The following PHEX variants were observed in gnomAD, a reference collection of about 807,000 sequenced individuals.
The protein encoded by PHEX is phosphate regulating endopeptidase X-linked.
PHEX carries 16 observed loss-of-function variants against 68.0 expected under a neutral mutation model. The observed-to-expected ratio is 0.24, with a 90% confidence interval of 0.16 to 0.36. The LOEUF (loss-of-function observed/expected upper bound fraction) is 0.36. PHEX is among the 10% of genes least tolerant of loss of function. The pLI, the probability that PHEX is intolerant of heterozygous loss-of-function variation, is 1.00. For synonymous variants in PHEX, 208 were observed against 205.1 expected (o/e 1.01, Z -0.12); for missense variants, 480 against 575.5 (o/e 0.83, Z 1.70).
chrX:22,172,838 T>C (rs1933581660), intron 13 of PHEX: 1 of 111,784 alleles, frequency 8.9e-6, no homozygotes, highest in African/African-American at 3.3e-5. Flanking sequence ...GAATCATGGC[T>C]GGCCTCCATT....
intron 3 of PHEX, among the ~76,000 whole-genome samples, chrX:22,059,102 G>A (rs112185556): frequency 0.044 from 4,859 of 111,546 alleles, 92 homozygotes; most frequent in African/African-American, 0.074. Context: ...AGCGTGCACA[G>A]CCCTCATTTC....
chrX:22,218,860 A>G (rs774258848), intron 16 of PHEX, among the ~76,000 whole-genome samples, 176 bp from the exon 17 acceptor site: 2 of 112,364 alleles, frequency 1.8e-5, no homozygotes, highest in South Asian at 7.4e-4. Context: ...TTCTTTGTCT[A>G]TTTCAATTGG....
In PHEX at chrX:22,195,749, A is replaced by G. The variant is rs776417831; in HGVS notation, c.1645+5247A>G. The stretch of plus-strand genomic sequence containing the variant: ...AGGAACAGGCAAATACATCTATATG[A>G]TAGAAGTTAAAATAATGACTACCTT... On this transcript the variant is annotated intron_variant, in intron 15 of 21. Transcript: ENST00000379374. Among the ~76,000 whole-genome samples the G allele has an allele frequency of 6.7e-4, 75 of 112,101 alleles. 1 individual carries two copies. Among genetic ancestry groups the G allele is most frequent in the African/African-American group, 2.3e-3 (72 of 30,892 alleles).
intron 5 of PHEX, 70 bp from the exon 6 acceptor site, chrX:22,090,359 T>C: frequency 4.7e-6 from 4 of 853,164 alleles, no homozygotes. Context: ...GACGATTTCA[T>C]CACTCTTGTT....
chrX:22,067,303 T>C (rs1195524259), intron 3 of PHEX, among the ~76,000 whole-genome samples: 1 of 111,192 alleles, frequency 9.0e-6, no homozygotes, highest in African/African-American at 3.3e-5. Context: ...TGAGAGTCTT[T>C]CTGGCATAGT....
At chrX:22,209,221 G>T (rs929851251) in intron 15 of PHEX, among the ~76,000 whole-genome samples, 1 of 111,122 alleles carries the variant, frequency 9.0e-6, no homozygotes, top group Non-Finnish European at 1.9e-5. Flanking sequence ...TGCATTTTGG[G>T]TATTCCTATA....
chrX:22,068,384 G>C (rs1928711808), intron 3 of PHEX, among the ~76,000 whole-genome samples: 1 of 112,016 alleles, frequency 8.9e-6, no homozygotes, highest in African/African-American at 3.2e-5. Context: ...AAGTTATGAT[G>C]TAACCAGGGA....
chrX:22,130,369 G>A (rs369092775), intron 11 of PHEX, among the ~76,000 whole-genome samples: 10 of 109,129 alleles, frequency 9.2e-5, no homozygotes, highest in East Asian at 5.8e-4. Context: ...GTGAAAGCCC[G>A]TCTCTACTAA....
At position 22,249,455 on chromosome X, in the gene PHEX, A is replaced by AAAAAAAAAATATATATATATAT; in HGVS notation, c.*1503_*1504insAAAAAAAATATATATATATATA. 1 of 39,762 alleles carries AAAAAAAAAATATATATATATAT rather than the reference A, an allele frequency of 2.5e-5. No individual in the cohort carries two copies. Among genetic ancestry groups the AAAAAAAAAATATATATATATAT allele is most frequent in the African/African-American group, 1.7e-4 (1 of 6,005 alleles). The allele number at this position is 39,762 out of a possible 1,213,427, so 3.3% of individuals were successfully genotyped here. On this transcript the variant is annotated 3_prime_UTR_variant, in exon 22 of 22. Transcript: ENST00000379374. ...TTGTGATTCTTTTAAAAAAAAAAAA[A>AAAAAAAAAATATATATATATAT]ATATATATATATATATATATATATA...
chrX:22,066,322 C>T lies in PHEX; in HGVS notation c.350-10066C>T, dbSNP rs761751908. 8.0e-5 allele frequency among the ~76,000 whole-genome samples: 9 copies of T among 112,129 alleles called. No homozygotes were observed. The South Asian group carries it at 1.5e-3, about 18-fold the overall frequency. On this transcript the variant is annotated intron_variant, in intron 3 of 21. Coordinates refer to ENST00000379374, the MANE Select transcript of PHEX (RefSeq NM_000444.6). ...TCTATTTTCTAGTCTGGTATCCAAA[C>T]GAAGGTGGAGTTTGACTTCCTTGTT...
At chrX:22,063,422 G>C (rs1039875012) in intron 3 of PHEX, among the ~76,000 whole-genome samples, 4 of 112,500 alleles carry the variant, frequency 3.6e-5, no homozygotes, top group African/African-American at 1.3e-4. Context: ...AAAGGTGTTG[G>C]TGTCAGCCTG....
chrX:22,139,149 C>G (rs1932352150), intron 12 of PHEX, among the ~76,000 whole-genome samples: 1 of 111,649 alleles, frequency 9.0e-6, no homozygotes, highest in Non-Finnish European at 1.9e-5. Context: ...GGAGATTGGT[C>G]CCTGTCTCAG....
At chrX:22,236,536 A>T (rs1286921845) in intron 20 of PHEX, among the ~76,000 whole-genome samples, 1 of 113,030 alleles carries the variant, frequency 8.8e-6, no homozygotes, top group Non-Finnish European at 1.9e-5. Flanking sequence ...AAGTATACAA[A>T]AATAGAACTT....
chrX:22,053,321 AAC>A (rs768251752), intron 3 of PHEX, among the ~76,000 whole-genome samples: 2 of 112,227 alleles, frequency 1.8e-5, no homozygotes, highest in Non-Finnish European at 3.8e-5. Flanking sequence ...GCTGATAGAA[AAC>A]ACACAGATAC....
chrX:22,243,402 C>T (rs746534290), intron 20 of PHEX, among the ~76,000 whole-genome samples: 5 of 111,835 alleles, frequency 4.5e-5, no homozygotes, highest in South Asian at 3.7e-4. Context: ...ACACCAAAAT[C>T]GATGGCAACA....
At chrX:22,110,151 C>T (rs967340626) in intron 9 of PHEX, among the ~76,000 whole-genome samples, 5 of 112,066 alleles carry the variant, frequency 4.5e-5, no homozygotes, top group African/African-American at 9.7e-5. Context: ...TAAGTCCTCA[C>T]TTAACATCAT....
intron 8 of PHEX, among the ~76,000 whole-genome samples, chrX:22,098,357 CAG>C (rs1277725476): frequency 3.7e-5 from 4 of 107,754 alleles, no homozygotes; most frequent in Non-Finnish European, 5.8e-5. Flanking sequence ...GAGAGAAAGA[CAG>C]AGGGGAGAGT....
intron 16 of PHEX, 70 bp from the exon 17 acceptor site, chrX:22,218,966 A>G: frequency 1.3e-6 from 1 of 768,832 alleles, no homozygotes; most frequent in Non-Finnish European, 2.0e-6. Flanking sequence ...CTTTCCATTG[A>G]AAAAATTAAA....
At chrX:22,081,436 A>G (rs779236977) in intron 5 of PHEX, among the ~76,000 whole-genome samples, 1 of 110,683 alleles carries the variant, frequency 9.0e-6, no homozygotes, top group Non-Finnish European at 1.9e-5. Context: ...AATCCCTCTT[A>G]CCTGAAACTC....
Sources: allele counts gnomAD v4.1 joint callset (sites outside exome capture counted in the v4.1 genomes callset), GRCh38; gene constraint gnomAD v4.1.1; transcripts MANE v1.5; gene names NCBI Gene and HGNC (gene_info 2026-07-23, HGNC 2026-07-21).